The following CRLF1 variants were observed in gnomAD, a reference collection of about 807,000 sequenced individuals.
The protein encoded by CRLF1 is cytokine receptor-like factor 1.
Under a neutral mutation model 48.9 loss-of-function variants are expected in CRLF1, and 36 were observed. The observed-to-expected ratio is 0.74, with a 90% CI of 0.56 to 0.97. The LOEUF (loss-of-function observed/expected upper bound fraction) is 0.97. Ranked by LOEUF, CRLF1 falls within the 50% of genes least tolerant of loss-of-function variation. CRLF1 has a pLI of 0.00. For missense variants in CRLF1, 534 were observed against 575.1 expected (o/e 0.93, Z 0.73); for synonymous variants, 256 against 253.4 (o/e 1.01, Z -0.10).
chr19:18,594,539 A>C (rs1351688001), intron 6 of CRLF1, 105 bp from the exon 7 acceptor site: 7 of 850,676 alleles, frequency 8.2e-6, no homozygotes, highest in African/African-American at 5.4e-5. Context: ...CCCTCGGGGA[A>C]CCTCCCTCCC....
intron 6 of CRLF1, among the ~76,000 whole-genome samples, chr19:18,595,715 A>AAACGGAGGCCAGACATTCC (rs1193612011): frequency 9.8e-5 from 15 of 152,356 alleles, no homozygotes; most frequent in African/African-American, 3.1e-4. Flanking sequence ...CCAGATGGGG[A>AAACGGAGGCCAGACATTCC]AACGGAGGCC....
intron 6 of CRLF1, 111 bp from the exon 7 acceptor site, chr19:18,594,545 C>G (rs903413049): frequency 6.0e-5 from 50 of 830,324 alleles, no homozygotes; most frequent in Non-Finnish European, 9.7e-6. Flanking sequence ...GGGAACCTCC[C>G]TCCCCGTTTC....
intron 8 of CRLF1, 33 bp downstream of exon 8, chr19:18,594,032 T>TTTGGC: frequency 2.9e-6 from 2 of 695,812 alleles, no homozygotes; most frequent in Non-Finnish European, 4.4e-6. Flanking sequence ...CTCCCCTTGC[T>TTTGGC]CCCTCCCGCC....
At chr19:18,601,412 GA>G (rs1976219915) in intron 1 of CRLF1, among the ~76,000 whole-genome samples, 1 of 152,182 alleles carries the variant, frequency 6.6e-6, no homozygotes, top group African/African-American at 2.4e-5. Flanking sequence ...GAGTAGCTGG[GA>G]TTACAGGCAC....
intron 8 of CRLF1, 35 bp downstream of exon 8, chr19:18,594,030 G>GGGGGGGGGGGCCCCCCCCCCC: frequency 7.6e-7 from 1 of 1,315,312 alleles, no homozygotes. Flanking sequence ...CCCTCCCCTT[G>GGGGGGGGGGGCCCCCCCCCCC]CTCCCTCCCG....
At chr19:18,597,748 C>T (rs551101225) in intron 4 of CRLF1, among the ~76,000 whole-genome samples, 5 of 152,236 alleles carry the variant, frequency 3.3e-5, no homozygotes, top group South Asian at 2.1e-4. Context: ...TCCACTCTTA[C>T]TGAAATCTTT....
rs1168720012 is a variant in CRLF1, at chr19:18,599,847, C to T, written c.116-1G>A. On this transcript the variant is annotated splice_acceptor_variant, in intron 1 of 8. Coordinates refer to ENST00000392386, the MANE Select transcript of CRLF1 (RefSeq NM_004750.5). LOFTEE classifies it high-confidence loss of function. ...TCCTGGGGACTGATCACAGCTGTGTCTGGGGTCAAAGAGGAACACGTGTCA... is the reference window on the plus strand; with the variant it reads ...TCCTGGGGACTGATCACAGCTGTGTTTGGGGTCAAAGAGGAACACGTGTCA... 9.2e-6 allele frequency: 14 copies of T among 1,522,700 alleles called. No individual in the cohort carries two copies. The highest frequency in any genetic ancestry group is 1.1e-5 in the Non-Finnish European group (12 of 1,133,380). 94.3% of individuals were successfully genotyped at this position (1,522,700 alleles called of 1,614,324 possible). A position where few individuals can be genotyped will look rare whatever the true frequency, so the allele number is the denominator to read the frequency against.
At position 18,598,303 on chromosome 19, in the gene CRLF1, G is replaced by C. The variant is rs560322688; in HGVS notation, c.697+129C>G. On this transcript the variant is annotated intron_variant, in intron 4 of 8. Coordinates refer to ENST00000392386, the MANE Select transcript of CRLF1 (RefSeq NM_004750.5). ...TCCCTCTGACCAGCAGGGACAACCC[G>C]GGAGTTGCCGGGCTGGGGAGGGGCA... The C allele has an allele frequency of 4.0e-6, 4 of 988,466 alleles. No homozygotes were observed. In the Admixed American group the frequency reaches 9.7e-5, roughly 24 times the overall value. The allele number at this position is 988,466 out of a possible 1,614,324, so 61.2% of individuals were successfully genotyped here.
intron 8 of CRLF1, 33 bp downstream of exon 8, chr19:18,594,032 T>TTGGACC: frequency 2.9e-6 from 2 of 695,814 alleles, no homozygotes; most frequent in Non-Finnish European, 4.4e-6. Context: ...CTCCCCTTGC[T>TTGGACC]CCCTCCCGCC....
intron 1 of CRLF1, among the ~76,000 whole-genome samples, chr19:18,605,371 C>T (rs1384554298): frequency 6.6e-6 from 1 of 152,228 alleles, no homozygotes; most frequent in African/African-American, 2.4e-5. Context: ...TACAGGCAGC[C>T]CGCAAACAGC....
chr19:18,596,528 A>T lies in CRLF1; in HGVS notation c.1024+94T>A, dbSNP rs921929891. On this transcript the variant is annotated intron_variant, in intron 6 of 8. Transcript: ENST00000392386. Reference sequence around the variant, plus strand: ...ATGCGACAGAATGAGGCCGTGTCTCAAAAGAAAAAAAAAAGAAAAGAAAAC... The same window carrying T: ...ATGCGACAGAATGAGGCCGTGTCTCTAAAGAAAAAAAAAAGAAAAGAAAAC... 4 of 1,482,442 alleles carry T rather than the reference A, an allele frequency of 2.7e-6. No homozygotes were observed. The African/African-American group carries it at 5.7e-5, about 21-fold the overall frequency. The allele number at this position is 1,482,442 out of a possible 1,614,324, so 91.8% of individuals were successfully genotyped here.
intron 1 of CRLF1, among the ~76,000 whole-genome samples, chr19:18,602,085 T>TTGTG (rs1326819883): frequency 6.6e-6 from 1 of 152,210 alleles, no homozygotes; most frequent in Non-Finnish European, 1.5e-5. Flanking sequence ...CTGAACCAGG[T>TTGTG]TGTGTGTGAG....
At chr19:18,595,992 T>C (rs947489650) in intron 6 of CRLF1, among the ~76,000 whole-genome samples, 1 of 152,132 alleles carries the variant, frequency 6.6e-6, no homozygotes, top group Non-Finnish European at 1.5e-5. Flanking sequence ...GATGGGCAAA[T>C]GGAGAGTGAG....
At position 18,606,553 on chromosome 19, in the gene CRLF1, C is replaced by T. The variant is rs1243891125; in HGVS notation, c.104G>A (p.Gly35Glu). 9 of 1,152,000 alleles carry T rather than the reference C, an allele frequency of 7.8e-6. No homozygotes were observed. In the East Asian group the frequency reaches 3.2e-4, roughly 41 times the overall value. The allele number at this position is 1,152,000 out of a possible 1,614,324, so 71.4% of individuals were successfully genotyped here. The change falls in exon 1 of 9, where the codon GGA becomes GAA. Residue 35 changes from glycine (G) to glutamate (E), a missense_variant. Transcript: ENST00000392386. This position sits in a 1 kb window ranked among gnomAD's most constrained non-coding sequence, Gnocchi z 4.8. The stretch of plus-strand genomic sequence containing the variant: ...CGCCGGGTACTCACGGGCTCCTGAT[C>T]CGGCTCGCGGCGCCCCGAGGACGCA... The part of the protein sequence containing the change: ...LLCVLGAPRA[G>E]SGAHTAVISP...
In CRLF1 at chr19:18,599,866, C is replaced by T. The variant is rs368296750; in HGVS notation, c.116-20G>A. The T allele has an allele frequency of 2.0e-4, 307 of 1,504,734 alleles. 1 individual carries two copies. In the African/African-American group the frequency reaches 2.3e-3, roughly 11 times the overall value. 93.2% of individuals were successfully genotyped at this position (1,504,734 alleles called of 1,614,324 possible). On this transcript the variant is annotated intron_variant, in intron 1 of 8. Coordinates refer to ENST00000392386, the MANE Select transcript of CRLF1 (RefSeq NM_004750.5). ...CTGTGTCTGGGGTCAAAGAGGAACA[C>T]GTGTCAGGCCAGGGCGGGGACCCTC... is the stretch of plus-strand genomic sequence containing the variant.
chr19:18,603,061 A>G (rs1269962305), intron 1 of CRLF1, among the ~76,000 whole-genome samples: 1 of 152,226 alleles, frequency 6.6e-6, no homozygotes, highest in East Asian at 1.9e-4. Context: ...CGTTCCACAC[A>G]GAGTGGTTGT....
chr19:18,595,742 A>G (rs568104517), intron 6 of CRLF1, among the ~76,000 whole-genome samples: 11 of 152,304 alleles, frequency 7.2e-5, no homozygotes, highest in African/African-American at 2.6e-4. Flanking sequence ...TCCAAGTAAC[A>G]GCTTTCGTTT....
At chr19:18,602,058 A>G (rs1976227855) in intron 1 of CRLF1, among the ~76,000 whole-genome samples, 2 of 152,356 alleles carry the variant, frequency 1.3e-5, no homozygotes. Context: ...TGTGAAAGTC[A>G]GAGGGGAAAG....
chr19:18,601,435 C>T (rs1325868865), intron 1 of CRLF1, among the ~76,000 whole-genome samples: 6 of 152,162 alleles, frequency 3.9e-5, no homozygotes, highest in African/African-American at 1.4e-4. Context: ...CATCACCGTG[C>T]CCGGCTAATT....
Sources: gnomAD v4.1 joint callset for allele counts (sites outside exome capture counted in the v4.1 genomes callset) on GRCh38, gnomAD v4.1.1 for gene constraint, Gnocchi (gnomAD v3.1) non-coding constraint, MANE v1.5 for transcripts, NCBI Gene and HGNC (gene_info 2026-07-23, HGNC 2026-07-21) for gene names.